Variants in CPLANE1 observed in about 807,000 individuals in gnomAD.
CPLANE1 encodes ciliogenesis and planar polarity effector complex subunit 1.
Under a neutral mutation model 362.5 loss-of-function variants are expected in CPLANE1, and 263 were observed. The ratio of observed to expected loss-of-function variants is 0.73; its 90% CI spans 0.66 to 0.80. CPLANE1 has a LOEUF of 0.80. CPLANE1 is among the 30% of genes least tolerant of loss of function. The probability of loss-of-function intolerance (pLI) is 0.00; values close to 1 mark genes in which losing one functional copy is unlikely to be tolerated. For missense variants in CPLANE1, 3,461 were observed against 3,793.4 expected (o/e 0.91, Z 2.30); for synonymous variants, 1,212 against 1,302.6 (o/e 0.93, Z 1.50).
At chr5:37,104,742 C>T (rs1757467901), downstream of CPLANE1, among the ~76,000 whole-genome samples, 1 of 150,232 alleles carries the variant, frequency 6.7e-6, no homozygotes, top group Admixed American at 6.6e-5. Flanking sequence ...CCCATCTCTA[C>T]TTAAAAAAAA....
intron 50 of CPLANE1, among the ~76,000 whole-genome samples, chr5:37,118,618 G>T (rs1761733151): frequency 6.6e-6 from 1 of 151,744 alleles, no homozygotes; most frequent in Non-Finnish European, 1.5e-5. Context: ...CTCTGACTTG[G>T]TTTCCTTGTC....
downstream of CPLANE1, among the ~76,000 whole-genome samples, chr5:37,103,940 A>T (rs1187773056): frequency 6.6e-6 from 1 of 152,086 alleles, no homozygotes; most frequent in Non-Finnish European, 1.5e-5. Context: ...GTTCTCTTGG[A>T]TGATATCCTG....
intron 33 of CPLANE1, 41 bp downstream of exon 33, chr5:37,170,000 C>A (rs777265353): frequency 1.9e-6 from 3 of 1,579,728 alleles, no homozygotes; most frequent in East Asian, 4.5e-5. Context: ...CAGACATGAG[C>A]CACCGCGCCC....
the CPLANE1 span, among the ~76,000 whole-genome samples, chr5:37,086,796 A>C: frequency 6.6e-6 from 1 of 152,192 alleles, no homozygotes; most frequent in Non-Finnish European, 1.5e-5. Flanking sequence ...TCAAGCTGGA[A>C]TGACAAGCAT....
chr5:37,233,611 G>A (rs1226905679), intron 8 of CPLANE1, among the ~76,000 whole-genome samples: 1 of 151,884 alleles, frequency 6.6e-6, no homozygotes, highest in Non-Finnish European at 1.5e-5. Context: ...ACAACTTCCA[G>A]TAACTCCAAC....
the CPLANE1 span, among the ~76,000 whole-genome samples, chr5:37,099,347 T>C: frequency 2.8e-4 from 43 of 152,308 alleles, no homozygotes; most frequent in East Asian, 8.1e-3. Context: ...AATGTGTCCA[T>C]GTGTTCTCAT....
Position 37,142,328 on chromosome 5 carries a change from G to A in CPLANE1, c.8614C>T (p.Gln2872Ter). The change falls in exon 44 of 53, where the codon CAG becomes TAG. Residue 2872 changes from glutamine (Q) to a stop codon, truncating the protein, a stop_gained. Coordinates refer to ENST00000651892, the MANE Select transcript of CPLANE1 (RefSeq NM_001384732.1). LOFTEE classifies it high-confidence loss of function. ...ACAATACCAGGAGAAGTAGTATTCT[G>A]ATCACTGGAACTGGAAAGGCTGACA... Reference protein sequence around the residue: ...SAVSLSSSSDQNTTSPGMNSS... With the variant: ...SAVSLSSSSD 1.3e-6 allele frequency: 2 copies of A among 1,599,154 alleles called. No homozygotes were observed. Among genetic ancestry groups the A allele is most frequent in the East Asian group, 2.3e-5 (1 of 44,186 alleles).
At chr5:37,229,375 C>A (rs560756758) in intron 9 of CPLANE1, among the ~76,000 whole-genome samples, 25 of 150,302 alleles carry the variant, frequency 1.7e-4, no homozygotes, top group Admixed American at 1.6e-3. Context: ...ATGGTGAAAC[C>A]CCGTCTCTAA....
the CPLANE1 span, among the ~76,000 whole-genome samples, chr5:37,096,811 C>T: frequency 6.6e-6 from 1 of 152,102 alleles, no homozygotes; most frequent in East Asian, 1.9e-4. Flanking sequence ...AAATGCTCAA[C>T]ATCACTAATG....
At chr5:37,084,809 C>T in the CPLANE1 span, among the ~76,000 whole-genome samples, 4 of 150,118 alleles carry the variant, frequency 2.7e-5, no homozygotes, top group Non-Finnish European at 5.9e-5. Context: ...AAAAAAGATA[C>T]AAAATGGCAG....
intron 38 of CPLANE1, among the ~76,000 whole-genome samples, chr5:37,158,690 A>G (rs1393077617): frequency 6.6e-6 from 1 of 152,166 alleles, no homozygotes; most frequent in East Asian, 1.9e-4. Flanking sequence ...CAACAAAACC[A>G]GATTTTAGAA....
At chr5:37,201,458 A>G (rs1478680254) in intron 19 of CPLANE1, 133 bp downstream of exon 19, 1 of 680,018 alleles carries the variant, frequency 1.5e-6, no homozygotes, top group Non-Finnish European at 2.4e-6. Flanking sequence ...ATTAGTGAAC[A>G]GCAAAGCTGG....
chr5:37,145,709 A>G (rs894750882), intron 43 of CPLANE1, among the ~76,000 whole-genome samples: 2 of 152,206 alleles, frequency 1.3e-5, no homozygotes, highest in African/African-American at 4.8e-5. Flanking sequence ...GAGAATACAG[A>G]AAACTCCATC....
chr5:37,191,056 A>T (rs185269496), intron 21 of CPLANE1, among the ~76,000 whole-genome samples: 1 of 152,200 alleles, frequency 6.6e-6, no homozygotes, highest in Non-Finnish European at 1.5e-5. Flanking sequence ...TTATAAGAGA[A>T]GACATCTCCA....
intron 1 of CPLANE1, among the ~76,000 whole-genome samples, chr5:37,248,552 G>T (rs1740635647): frequency 6.6e-6 from 1 of 152,100 alleles, no homozygotes; most frequent in Non-Finnish European, 1.5e-5. Flanking sequence ...GGCTGAGATG[G>T]GAAGATCGCT....
At chr5:37,168,227 C>A (rs911599523) in intron 34 of CPLANE1, among the ~76,000 whole-genome samples, 6 of 150,746 alleles carry the variant, frequency 4.0e-5, no homozygotes, top group Admixed American at 1.3e-4. Flanking sequence ...ATCACAGATT[C>A]TGGGTCTATT....
At chr5:37,212,876 G>T (rs1561623182) in intron 16 of CPLANE1, among the ~76,000 whole-genome samples, 2 of 152,186 alleles carry the variant, frequency 1.3e-5, no homozygotes, top group Non-Finnish European at 2.9e-5. Flanking sequence ...TGAAACTTCA[G>T]CTGGGCACAC....
At chr5:37,132,640 C>G (rs1048624571) in intron 46 of CPLANE1, among the ~76,000 whole-genome samples, 6 of 152,274 alleles carry the variant, frequency 3.9e-5, no homozygotes, top group Non-Finnish European at 7.4e-5. Flanking sequence ...AGCCACCGCC[C>G]CCAGCCCAAT....
the CPLANE1 span, among the ~76,000 whole-genome samples, chr5:37,086,539 T>C: frequency 1.3e-5 from 2 of 152,208 alleles, no homozygotes; most frequent in African/African-American, 4.8e-5. Context: ...TTAACAGGAA[T>C]GTAGAGTAGT....
Sources: gnomAD v4.1 joint callset for allele counts (sites outside exome capture counted in the v4.1 genomes callset) on GRCh38, gnomAD v4.1.1 for gene constraint, MANE v1.5 for transcripts, NCBI Gene and HGNC (gene_info 2026-07-23, HGNC 2026-07-21) for gene names.